The following RHOU variants were observed in gnomAD, a reference collection of about 807,000 sequenced individuals.
RHOU encodes rho-related GTP-binding protein RhoU.
RHOU carries 8 observed loss-of-function variants against 12.6 expected under a neutral mutation model. The ratio of observed to expected loss-of-function variants is 0.64; its 90% CI spans 0.37 to 1.15. RHOU has a LOEUF of 1.15. RHOU is among the 50% of genes most tolerant of loss of function. The probability of loss-of-function intolerance (pLI) is 0.01; values close to 1 mark genes in which losing one functional copy is unlikely to be tolerated. For synonymous variants in RHOU, 161 were observed against 147.4 expected, an observed-to-expected ratio of 1.09 and a Z score of -0.67; for missense variants, 258 against 347.0, an observed-to-expected ratio of 0.74 and a Z score of 2.04.
At chr1:228,687,446 T>TC in the RHOU span, 1 of 1,492,510 alleles carries the variant, frequency 6.7e-7, no homozygotes, top group African/African-American at 1.4e-5. Flanking sequence ...AATACTTTCT[T>TC]CACCAATCTC....
At chr1:228,704,508 A>G in the RHOU span, among the ~76,000 whole-genome samples, 1 of 151,970 alleles carries the variant, frequency 6.6e-6, no homozygotes, top group Non-Finnish European at 1.5e-5. Context: ...AGTCACCTGG[A>G]GTGCAATGGT....
At chr1:228,734,728 G>A (rs1019425338), upstream of RHOU, among the ~76,000 whole-genome samples, 3 of 152,268 alleles carry the variant, frequency 2.0e-5, no homozygotes, top group East Asian at 3.9e-4. Flanking sequence ...TGAATAGACT[G>A]TTGACCACAT....
chr1:228,723,335 C>A, the RHOU span, among the ~76,000 whole-genome samples: 1 of 152,176 alleles, frequency 6.6e-6, no homozygotes, highest in Non-Finnish European at 1.5e-5. Context: ...TGGAAACCAG[C>A]CAGGTATATA....
the RHOU span, among the ~76,000 whole-genome samples, chr1:228,714,230 T>TA: frequency 6.6e-6 from 1 of 152,190 alleles, no homozygotes; most frequent in East Asian, 1.9e-4. Context: ...GAATTCTGTT[T>TA]ATAAACAGTT....
At chr1:228,697,398 A>G in the RHOU span, among the ~76,000 whole-genome samples, 3 of 152,326 alleles carry the variant, frequency 2.0e-5, no homozygotes, top group South Asian at 6.2e-4. Context: ...GAGCCAGCAC[A>G]GGAGTCAGAT....
At chr1:228,677,981 C>T in the RHOU span, among the ~76,000 whole-genome samples, 2 of 152,284 alleles carry the variant, frequency 1.3e-5, no homozygotes, top group Non-Finnish European at 2.9e-5. Context: ...CTCTACCCAT[C>T]TAGTGAAAGT....
At chr1:228,661,573 T>C in the RHOU span, among the ~76,000 whole-genome samples, 2 of 152,152 alleles carry the variant, frequency 1.3e-5, no homozygotes. Context: ...AAACAATAAC[T>C]GGGAAAAGGA....
chr1:228,708,245 T>C, the RHOU span, among the ~76,000 whole-genome samples: 2 of 152,052 alleles, frequency 1.3e-5, no homozygotes, highest in Non-Finnish European at 2.9e-5. Flanking sequence ...CAGGGTATTA[T>C]CCAGGAGAAC....
At position 228,743,361 on chromosome 1, in the gene RHOU, C is replaced by T; in HGVS notation, c.398C>T (p.Pro133Leu). The change falls in exon 3 of 3, where the codon CCC becomes CTC. Residue 133 changes from proline to leucine, a missense_variant. Physicochemically the swap from Pro to Leu is moderately conservative, Grantham distance 98. Coordinates refer to ENST00000366691, the MANE Select transcript of RHOU (RefSeq NM_021205.6). This position sits in a 1 kb window ranked among gnomAD's most constrained non-coding sequence, Gnocchi z 5.1. ...IFLLCFSVVS[P>L]SSFQNVSEKW... ...CTGCTCTGCTTCAGTGTCGTGAGCC[C>T]CTCATCCTTCCAGAACGTCAGTGAG... is the stretch of plus-strand genomic sequence containing the variant. The T allele has an allele frequency of 6.2e-7, 1 of 1,614,188 alleles. No individual in the cohort carries two copies.
chr1:228,648,296 C>G, the RHOU span, among the ~76,000 whole-genome samples: 4 of 152,228 alleles, frequency 2.6e-5, 1 homozygote, highest in East Asian at 5.8e-4. Flanking sequence ...TGTTTCCTCG[C>G]GGGAGTGCCA....
the RHOU span, among the ~76,000 whole-genome samples, chr1:228,708,880 C>G: frequency 1.8e-3 from 275 of 152,270 alleles, no homozygotes; most frequent in African/African-American, 6.4e-3. Flanking sequence ...GATAAAGAGT[C>G]AAGACCCATC....
chr1:228,669,175 A>T, the RHOU span, among the ~76,000 whole-genome samples: 5 of 152,214 alleles, frequency 3.3e-5, no homozygotes, highest in African/African-American at 4.8e-5. Flanking sequence ...TTCTACAAGG[A>T]ACACCACAAG....
chr1:228,687,580 A>G, the RHOU span: 1 of 1,554,248 alleles, frequency 6.4e-7, no homozygotes, highest in Middle Eastern at 1.7e-4. Flanking sequence ...AATGCGATGG[A>G]GTGTGCATTA....
At chr1:228,723,647 C>T in the RHOU span, among the ~76,000 whole-genome samples, 1 of 152,218 alleles carries the variant, frequency 6.6e-6, no homozygotes, top group Non-Finnish European at 1.5e-5. Flanking sequence ...AGAGCCGGGG[C>T]TTTACGAGTG....
At chr1:228,741,194 A>G (rs979607791) in intron 2 of RHOU, among the ~76,000 whole-genome samples, 9 of 152,162 alleles carry the variant, frequency 5.9e-5, no homozygotes, top group Non-Finnish European at 1.3e-4. Context: ...CAGTGTCCGT[A>G]CCACAGACCT....
chr1:228,686,059 C>A, the RHOU span, among the ~76,000 whole-genome samples: 1 of 152,126 alleles, frequency 6.6e-6, no homozygotes, highest in Non-Finnish European at 1.5e-5. Context: ...AGTGATCAGA[C>A]TTTTGTATTA....
chr1:228,698,255 A>G, the RHOU span, among the ~76,000 whole-genome samples: 1 of 152,208 alleles, frequency 6.6e-6, no homozygotes, highest in Non-Finnish European at 1.5e-5. Flanking sequence ...GATAATACCA[A>G]GAGTTTGAAG....
the RHOU span, among the ~76,000 whole-genome samples, chr1:228,647,305 G>T: frequency 6.6e-6 from 1 of 152,228 alleles, no homozygotes; most frequent in Non-Finnish European, 1.5e-5. Flanking sequence ...TGTGCTCTTG[G>T]TGCGGTGCAG....
chr1:228,719,326 A>G, the RHOU span, among the ~76,000 whole-genome samples: 1 of 152,244 alleles, frequency 6.6e-6, no homozygotes, highest in Non-Finnish European at 1.5e-5. Context: ...TTCAATTTAT[A>G]AAATCGTGTG....
Sources: allele counts gnomAD v4.1 joint callset (sites outside exome capture counted in the v4.1 genomes callset), GRCh38; gene constraint gnomAD v4.1.1; non-coding constraint Gnocchi (gnomAD v3.1); transcripts MANE v1.5; gene names NCBI Gene and HGNC (gene_info 2026-07-23, HGNC 2026-07-21).